Variants in PLXDC2 observed in about 807,000 individuals in gnomAD.
The protein encoded by PLXDC2 is plexin domain-containing protein 2.
PLXDC2 carries 40 observed loss-of-function variants against 68.9 expected under a neutral mutation model. The observed-to-expected ratio is 0.58, with a 90% CI of 0.45 to 0.76. The LOEUF (loss-of-function observed/expected upper bound fraction) is 0.76, where lower values mean the gene tolerates loss of function less well. PLXDC2 is among the 30% of genes least tolerant of loss of function. The pLI is 0.00. For missense variants in PLXDC2, 644 were observed against 661.9 expected, an observed-to-expected ratio of 0.97 and a Z score of 0.30; for synonymous variants, 243 against 234.2, an observed-to-expected ratio of 1.04 and a Z score of -0.34.
chr10:20,010,622 G>C (rs1835096378), intron 2 of PLXDC2, among the ~76,000 whole-genome samples: 1 of 152,144 alleles, frequency 6.6e-6, no homozygotes, highest in South Asian at 2.1e-4. Context: ...TTTACTTATA[G>C]TTATGGCATG....
At chr10:20,154,261 CA>C (rs951135916) in intron 6 of PLXDC2, among the ~76,000 whole-genome samples, 4 of 151,974 alleles carry the variant, frequency 2.6e-5, no homozygotes, top group Admixed American at 2.6e-4. Flanking sequence ...TAACAATTCT[CA>C]AAAAAACATT....
intron 2 of PLXDC2, among the ~76,000 whole-genome samples, chr10:20,042,958 T>G (rs893527599): frequency 6.6e-6 from 1 of 152,202 alleles, no homozygotes; most frequent in African/African-American, 2.4e-5. Context: ...CATATCACAG[T>G]AGTGCTTTGT....
At chr10:20,060,892 A>C (rs140189307) in intron 3 of PLXDC2, among the ~76,000 whole-genome samples, 1 of 152,302 alleles carries the variant, frequency 6.6e-6, no homozygotes, top group African/African-American at 2.4e-5. Flanking sequence ...GAAATTATAC[A>C]GTTGTCAAGA....
rs893999760 is a variant in PLXDC2, at chr10:20,201,167, G to GTA, written c.1062-10493_1062-10492dup. Reference sequence around the variant, plus strand: ...GATCAATGGATGAAGAAAATGTAGTGTATATATATACACAATAGAATACTG... The same window carrying GTA: ...GATCAATGGATGAAGAAAATGTAGTGTATATATATATACACAATAGAATACTG... On this transcript the variant is annotated intron_variant, in intron 9 of 13. Coordinates refer to ENST00000377252, the MANE Select transcript of PLXDC2 (RefSeq NM_032812.9). 7.2e-5 allele frequency among the ~76,000 whole-genome samples: 11 copies of GTA among 152,104 alleles called. No homozygotes were observed. In the South Asian group the frequency reaches 8.3e-4, roughly 11 times the overall value.
intron 1 of PLXDC2, among the ~76,000 whole-genome samples, chr10:19,867,763 G>T (rs1837449692): frequency 6.6e-6 from 1 of 152,090 alleles, no homozygotes; most frequent in South Asian, 2.1e-4. Context: ...CAGTCTCGGG[G>T]TATTCTCAAT....
chr10:19,912,916 A>G (rs543725814), intron 1 of PLXDC2, among the ~76,000 whole-genome samples: 34 of 152,252 alleles, frequency 2.2e-4, no homozygotes, highest in African/African-American at 7.9e-4. Context: ...GAGCTACTGG[A>G]GCTGTGTTAA....
chr10:20,083,668 C>T (rs1397728829), intron 4 of PLXDC2, among the ~76,000 whole-genome samples: 1 of 152,038 alleles, frequency 6.6e-6, no homozygotes, highest in Non-Finnish European at 1.5e-5. Context: ...CAGTATAAAG[C>T]TTTCTTCATA....
intron 1 of PLXDC2, among the ~76,000 whole-genome samples, chr10:19,991,106 C>T (rs771756558): frequency 1.3e-5 from 2 of 151,942 alleles, no homozygotes; most frequent in Non-Finnish European, 2.9e-5. Context: ...ATTAGTGGGG[C>T]GTGGTAGCAC....
At chr10:19,888,380 C>A (rs1196400863) in intron 1 of PLXDC2, among the ~76,000 whole-genome samples, 2 of 152,016 alleles carry the variant, frequency 1.3e-5, no homozygotes, top group Non-Finnish European at 2.9e-5. Flanking sequence ...TATTGATCTC[C>A]AACAGACTCT....
At chr10:20,060,612 T>A (rs1290626269) in intron 3 of PLXDC2, among the ~76,000 whole-genome samples, 1 of 152,086 alleles carries the variant, frequency 6.6e-6, no homozygotes, top group African/African-American at 2.4e-5. Context: ...CTTGCTGCTC[T>A]GTTAGCCCAG....
At chr10:19,867,440 A>T (rs1010599522) in intron 1 of PLXDC2, among the ~76,000 whole-genome samples, 24 of 152,148 alleles carry the variant, frequency 1.6e-4, no homozygotes, top group Middle Eastern at 6.8e-3. Flanking sequence ...ATTTCTGTAG[A>T]ACGTCTCAGG....
In PLXDC2 at chr10:20,004,270, A is replaced by G. The variant is rs569199597; in HGVS notation, c.324+2284A>G. 3.8e-3 allele frequency among the ~76,000 whole-genome samples: 572 copies of G among 152,308 alleles called. 11 individuals carry two copies. The South Asian group carries it at 0.052, about 14-fold the overall frequency. On this transcript the variant is annotated intron_variant, in intron 2 of 13. Coordinates refer to ENST00000377252, the MANE Select transcript of PLXDC2 (RefSeq NM_032812.9). ...CCATGGCATTAGCTATTATGTGGCC[A>G]TGGTGTTGGCAGGCTGCCCCAGGCA... is the stretch of plus-strand genomic sequence containing the variant.
chr10:19,968,382 C>T (rs931555732), intron 1 of PLXDC2, among the ~76,000 whole-genome samples: 6 of 152,048 alleles, frequency 3.9e-5, no homozygotes, highest in Non-Finnish European at 7.4e-5. Flanking sequence ...GCACGATCTC[C>T]GCTCCCTGCA....
chr10:20,272,047 A>G (rs372324791), intron 13 of PLXDC2, among the ~76,000 whole-genome samples: 2 of 152,176 alleles, frequency 1.3e-5, no homozygotes, highest in East Asian at 3.8e-4. Flanking sequence ...TTTGAACAAC[A>G]AAGTGGCCAA....
chr10:20,146,236 G>A (rs1162141629), intron 5 of PLXDC2, among the ~76,000 whole-genome samples: 1 of 152,086 alleles, frequency 6.6e-6, no homozygotes, highest in Non-Finnish European at 1.5e-5. Flanking sequence ...AAGTTAGGAG[G>A]CATTTCACAA....
chr10:19,890,115 GGACA>G (rs1272141909), intron 1 of PLXDC2, among the ~76,000 whole-genome samples: 2 of 152,278 alleles, frequency 1.3e-5, no homozygotes, highest in East Asian at 3.9e-4. Flanking sequence ...TGTGAGTGAA[GGACA>G]GGTAGTCTAC....
chr10:20,146,431 TTTTC>T (rs1236168184), intron 5 of PLXDC2, among the ~76,000 whole-genome samples: 20 of 150,624 alleles, frequency 1.3e-4, no homozygotes, highest in Admixed American at 5.3e-4. Context: ...CTTTCTTTCT[TTTTC>T]TTTCTTTCTT....
At chr10:19,832,555 C>A (rs1357094484) in intron 1 of PLXDC2, among the ~76,000 whole-genome samples, 1 of 152,156 alleles carries the variant, frequency 6.6e-6, no homozygotes, top group Non-Finnish European at 1.5e-5. Flanking sequence ...TTGTAAAGTT[C>A]AATTTGCATA....
intron 1 of PLXDC2, among the ~76,000 whole-genome samples, chr10:19,956,368 A>G (rs1160280697): frequency 6.6e-6 from 1 of 152,162 alleles, no homozygotes; most frequent in African/African-American, 2.4e-5. Flanking sequence ...AAATGAAAAC[A>G]TTTTGGATCT....
Sources: allele counts gnomAD v4.1 joint callset (sites outside exome capture counted in the v4.1 genomes callset), GRCh38; gene constraint gnomAD v4.1.1; transcripts MANE v1.5; gene names NCBI Gene and HGNC (gene_info 2026-07-23, HGNC 2026-07-21).